SAMD4A: variants seen among roughly 807,000 people sequenced by gnomAD.
SAMD4A encodes sterile alpha motif domain containing 4A.
SAMD4A carries 33 observed loss-of-function variants against 81.3 expected under a neutral mutation model. That is an observed-to-expected ratio of 0.41 (90% CI 0.31 to 0.54). The LOEUF is 0.54. Ranked by LOEUF, SAMD4A falls within the 20% of genes least tolerant of loss-of-function variation. The probability of loss-of-function intolerance (pLI) is 0.37; values close to 1 mark genes in which losing one functional copy is unlikely to be tolerated. For missense variants in SAMD4A, 854 were observed against 951.1 expected (o/e 0.90, Z 1.34); for synonymous variants, 389 against 382.1 (o/e 1.02, Z -0.21).
chr14:54,746,881 T>A (rs1381076055), intron 4 of SAMD4A, among the ~76,000 whole-genome samples: 1 of 152,124 alleles, frequency 6.6e-6, no homozygotes, highest in South Asian at 2.1e-4. Context: ...GGTGACAGAG[T>A]GGTAACATGC....
In SAMD4A at chr14:54,697,891, C is replaced by T. The variant is rs546461744; in HGVS notation, c.197-4171C>T. 3.7e-4 allele frequency among the ~76,000 whole-genome samples: 57 copies of T among 152,290 alleles called. 1 individual carries two copies. In the South Asian group the frequency reaches 9.7e-3, roughly 26 times the overall value. On this transcript the variant is annotated intron_variant, in intron 2 of 12. Transcript: ENST00000554335. ...GGTGCTAGGTATTGGCACGAGGCCT[C>T]GGTTCCTCACTACAAGGACCTCCCC...
At chr14:54,679,922 G>A (rs1482038157) in intron 2 of SAMD4A, among the ~76,000 whole-genome samples, 1 of 152,176 alleles carries the variant, frequency 6.6e-6, no homozygotes, top group African/African-American at 2.4e-5. Flanking sequence ...ATTCTGTCTG[G>A]GCCTAAGATA....
intron 2 of SAMD4A, among the ~76,000 whole-genome samples, chr14:54,626,155 A>G (rs1358383317): frequency 1.3e-5 from 2 of 151,998 alleles, no homozygotes; most frequent in East Asian, 3.9e-4. Context: ...GGAGGTCAGG[A>G]AAAATAGTGG....
chr14:54,780,775 A>ACTGAC (rs2139966999), intron 11 of SAMD4A, among the ~76,000 whole-genome samples: 1 of 152,224 alleles, frequency 6.6e-6, no homozygotes, highest in East Asian at 1.9e-4. Flanking sequence ...CTCCACAGGC[A>ACTGAC]CTGACCTTCT....
intron 10 of SAMD4A, among the ~76,000 whole-genome samples, chr14:54,776,141 C>T (rs752696777): frequency 6.6e-6 from 1 of 151,468 alleles, no homozygotes; most frequent in African/African-American, 2.4e-5. Flanking sequence ...GCAACAAATG[C>T]GATAAAAAGA....
At chr14:54,671,267 C>T (rs939336968) in intron 2 of SAMD4A, among the ~76,000 whole-genome samples, 3 of 152,160 alleles carry the variant, frequency 2.0e-5, no homozygotes, top group Admixed American at 2.0e-4. Context: ...CTGTTAGGGA[C>T]ACAGATTCTG....
chr14:54,649,874 C>T (rs1169090988), intron 2 of SAMD4A, among the ~76,000 whole-genome samples: 3 of 152,158 alleles, frequency 2.0e-5, no homozygotes, highest in Non-Finnish European at 4.4e-5. Flanking sequence ...ATTTACATGT[C>T]ATATTTCATA....
chr14:54,669,451 T>TTTTC (rs1555341440), intron 2 of SAMD4A, among the ~76,000 whole-genome samples: 2 of 145,892 alleles, frequency 1.4e-5, no homozygotes, highest in African/African-American at 5.1e-5. Flanking sequence ...CTTTCTTTTT[T>TTTTC]TTTTTTTTTT....
chr14:54,613,952 C>T (rs1009348780), intron 2 of SAMD4A, among the ~76,000 whole-genome samples: 4 of 152,160 alleles, frequency 2.6e-5, no homozygotes, highest in African/African-American at 9.7e-5. Context: ...TCGCAAGTAA[C>T]CTTTAAGAAA....
At chr14:54,716,480 T>G (rs1308445832) in intron 3 of SAMD4A, among the ~76,000 whole-genome samples, 1 of 152,214 alleles carries the variant, frequency 6.6e-6, no homozygotes, top group Non-Finnish European at 1.5e-5. Flanking sequence ...CAGAGGTGTC[T>G]CATTTTACAC....
In SAMD4A at chr14:54,790,484, G is replaced by C. The variant is rs2039240174; in HGVS notation, c.*1540G>C. On this transcript the variant is annotated 3_prime_UTR_variant, in exon 13 of 13. Transcript: ENST00000554335. ...CTGTGGTACCTACCACAAAGTAATA[G>C]CTCTGTTTATGAAGGGCAAGAAAGG... is the stretch of plus-strand genomic sequence containing the variant. The C allele has an allele frequency of 6.6e-6, 1 of 152,214 alleles. No individual in the cohort carries two copies. Among genetic ancestry groups the C allele is most frequent in the African/African-American group, 2.4e-5 (1 of 41,458 alleles). 9.4% of individuals were successfully genotyped at this position (152,214 alleles called of 1,614,324 possible).
chr14:54,595,019 T>A (rs575439822), intron 2 of SAMD4A, among the ~76,000 whole-genome samples: 9 of 152,336 alleles, frequency 5.9e-5, no homozygotes, highest in African/African-American at 2.2e-4. Flanking sequence ...TATTCATTCA[T>A]TGAAAAAATA....
At chr14:54,624,338 G>T (rs2034694795) in intron 2 of SAMD4A, among the ~76,000 whole-genome samples, 1 of 152,244 alleles carries the variant, frequency 6.6e-6, no homozygotes, top group South Asian at 2.1e-4. Flanking sequence ...AGTGTGCGAT[G>T]TGGGAAAGAA....
intron 2 of SAMD4A, chr14:54,696,998 A>G (rs1477046675): frequency 6.6e-6 from 1 of 152,228 alleles, no homozygotes; most frequent in African/African-American, 2.4e-5. Context: ...TGATCAATTA[A>G]TTGAAAATTC....
intron 7 of SAMD4A, among the ~76,000 whole-genome samples, chr14:54,763,803 C>T (rs1439324085): frequency 4.6e-5 from 7 of 152,202 alleles, no homozygotes; most frequent in Non-Finnish European, 1.0e-4. Flanking sequence ...CCGTGAGAAA[C>T]CTAGTGCGTG....
intron 2 of SAMD4A, among the ~76,000 whole-genome samples, chr14:54,597,621 A>C (rs1330765307): frequency 3.7e-4 from 27 of 73,766 alleles, no homozygotes; most frequent in Admixed American, 7.1e-4. Context: ...ACAGAGTTTC[A>C]CCCTGTTGCC....
chr14:54,779,678 CTT>C (rs11306028), intron 11 of SAMD4A, among the ~76,000 whole-genome samples: 4,079 of 139,288 alleles, frequency 0.029, 203 homozygotes, highest in African/African-American at 0.1. Context: ...CATGGACAAG[CTT>C]TTTTTTTTTT....
At position 54,737,120 on chromosome 14, in the gene SAMD4A, T is replaced by C; in HGVS notation, c.812T>C (p.Met271Thr). The change falls in exon 4 of 13, where the codon ATG (methionine) becomes ACG (threonine). Residue 271 changes from methionine to threonine, a missense_variant. Transcript: ENST00000554335. ...AACCAGCCTCTAGGACATGGATGGA[T>C]GTCTCATGAGGACTTACGAGCTAGA... ...VPNQPLGHGW[M>T]SHEDLRARGP... 6.2e-7 allele frequency: 1 copy of C among 1,614,128 alleles called. No homozygotes were observed. Among genetic ancestry groups the C allele is most frequent in the South Asian group, 1.1e-5 (1 of 91,076 alleles).
chr14:54,729,396 G>C (rs1282759553), intron 3 of SAMD4A, among the ~76,000 whole-genome samples: 1 of 152,078 alleles, frequency 6.6e-6, no homozygotes, highest in Non-Finnish European at 1.5e-5. Flanking sequence ...AGCTTCCTGA[G>C]TTTCTCTACT....
Sources: allele counts gnomAD v4.1 joint callset (sites outside exome capture counted in the v4.1 genomes callset), GRCh38; gene constraint gnomAD v4.1.1; transcripts MANE v1.5; gene names NCBI Gene and HGNC (gene_info 2026-07-23, HGNC 2026-07-21).